The following MPPE1 variants were observed in gnomAD, a reference collection of about 807,000 sequenced individuals.
MPPE1 encodes the protein metallo phosphoesterase.
A neutral mutation model predicts 43.8 loss-of-function variants in MPPE1; 28 were observed. The ratio of observed to expected loss-of-function variants is 0.64; its 90% CI spans 0.47 to 0.88. MPPE1 has a LOEUF of 0.88. Ranked by LOEUF, MPPE1 falls within the 40% of genes least tolerant of loss-of-function variation. The pLI is 0.00. For synonymous variants in MPPE1, 159 were observed against 188.5 expected (o/e 0.84, Z 1.28); for missense variants, 428 against 492.2 (o/e 0.87, Z 1.23).
chr18:11,903,634 A>G (rs657919), intron 2 of MPPE1, among the ~76,000 whole-genome samples: 54,048 of 151,904 alleles, frequency 0.36, 11,816 homozygotes, highest in African/African-American at 0.61. Context: ...GTGAAACCCC[A>G]TCTCTACTAA....
chr18:11,889,382 CT>C lies in MPPE1; in HGVS notation c.494+4del. Reference sequence around the variant, plus strand: ...CAGGGTGCAGGGCTTTTGTGAACTACTTACTCATAATGGAAGCCAATGTCAT... The same window carrying C: ...CAGGGTGCAGGGCTTTTGTGAACTACTACTCATAATGGAAGCCAATGTCAT... On this transcript the variant is annotated splice_donor_region_variant and intron_variant, in intron 5 of 10. Transcript: ENST00000588072. 6.3e-7 allele frequency: 1 copy of C among 1,591,014 alleles called. No homozygotes were observed. Among genetic ancestry groups the C allele is most frequent in the Non-Finnish European group, 8.6e-7 (1 of 1,161,428 alleles).
chr18:11,889,350 G>A (rs1481444613), intron 5 of MPPE1, 37 bp downstream of exon 5: 2 of 1,279,526 alleles, frequency 1.6e-6, no homozygotes, highest in Non-Finnish European at 2.2e-6. Context: ...CAGTTAACAA[G>A]AGCTCTCAGG....
At position 11,897,383 on chromosome 18, in the gene MPPE1, T is replaced by C. The variant is rs2038715434; in HGVS notation, c.-92-27A>G. 5 of 936,104 alleles carry C rather than the reference T, an allele frequency of 5.3e-6. 1 individual carries two copies. Among genetic ancestry groups the C allele is most frequent in the South Asian group, 3.2e-5 (2 of 62,100 alleles). 58.0% of individuals were successfully genotyped at this position (936,104 alleles called of 1,614,324 possible). On this transcript the variant is annotated intron_variant, in intron 2 of 10. Coordinates refer to ENST00000588072, the MANE Select transcript of MPPE1 (RefSeq NM_023075.6). ...TACGGGAAAAGGAAAAGAATTCAGT[T>C]ATGTTCCCTAATAATACAGGTATCA...
Position 11,884,606 on chromosome 18 carries a change from A to ACAGCAC in MPPE1, c.1029_1030insGTGCTG (p.Asp343_Tyr344insValLeu). ...GGGAGGTAGCACTTGGAGAGGGTGT[A>ACAGCAC]GTCTGTGGGCGTGATGCTACCCTGG... On this transcript the variant is annotated inframe_insertion, in exon 11 of 11. Transcript: ENST00000588072. 3 of 1,613,802 alleles carry ACAGCAC rather than the reference A, an allele frequency of 1.9e-6. No homozygotes were observed. Among genetic ancestry groups the ACAGCAC allele is most frequent in the Non-Finnish European group, 2.5e-6 (3 of 1,180,004 alleles).
intron 2 of MPPE1, among the ~76,000 whole-genome samples, chr18:11,900,037 C>T (rs1400540189): frequency 2.0e-5 from 3 of 152,184 alleles, no homozygotes; most frequent in South Asian, 2.1e-4. Context: ...CATGGTGAAA[C>T]CCTGTCTCTA....
chr18:11,884,680 C>T, intron 10 of MPPE1, 53 bp from the exon 11 acceptor site: 1 of 1,562,294 alleles, frequency 6.4e-7, no homozygotes, highest in Non-Finnish European at 8.8e-7. Context: ...ACGTTGAACA[C>T]CGCAGTCTTA....
In MPPE1 at chr18:11,883,434, C is replaced by A. The variant is rs1280197735; in HGVS notation, c.*1011G>T. On this transcript the variant is annotated 3_prime_UTR_variant, in exon 11 of 11. Coordinates refer to ENST00000588072, the MANE Select transcript of MPPE1 (RefSeq NM_023075.6). ...CTGTTTAAGAGTTTAATTCAAACAA[C>A]AGCCAGACTGTTAAGAAAAAAAACA... The A allele has an allele frequency of 4.6e-5, 7 of 152,582 alleles. No individual in the cohort carries two copies. Among genetic ancestry groups the A allele is most frequent in the Admixed American group, 4.6e-4 (7 of 15,266 alleles). The allele number at this position is 152,582 out of a possible 1,614,324, so 9.5% of individuals were successfully genotyped here. A position where few individuals can be genotyped will look rare whatever the true frequency, so the allele number is the denominator to read the frequency against.
intron 3 of MPPE1, chr18:11,895,241 TCAAAA>T (rs1006602491): frequency 4.3e-4 from 65 of 152,250 alleles, no homozygotes; most frequent in African/African-American, 1.5e-3. Flanking sequence ...GGCCAGGAGT[TCAAAA>T]CCAGCATGGG....
chr18:11,889,614 G>A (rs1362746452), intron 4 of MPPE1, 124 bp from the exon 5 acceptor site: 2 of 602,298 alleles, frequency 3.3e-6, no homozygotes, highest in Non-Finnish European at 5.7e-6. Context: ...CCAGGCTGAA[G>A]TGCAGTGGTG....
At chr18:11,890,463 C>T (rs963031034) in intron 4 of MPPE1, among the ~76,000 whole-genome samples, 3 of 152,042 alleles carry the variant, frequency 2.0e-5, no homozygotes, top group South Asian at 2.1e-4. Flanking sequence ...GCGTGTACCA[C>T]CATGCCCAGC....
intron 2 of MPPE1, among the ~76,000 whole-genome samples, chr18:11,901,251 A>G (rs1215662388): frequency 6.6e-6 from 1 of 151,642 alleles, no homozygotes; most frequent in Non-Finnish European, 1.5e-5. Flanking sequence ...TTTTTTTGAG[A>G]CAGAGTTTCT....
At chr18:11,906,809 G>A (rs370921445) in intron 1 of MPPE1, among the ~76,000 whole-genome samples, 59 of 148,920 alleles carry the variant, frequency 4.0e-4, no homozygotes, top group African/African-American at 1.4e-3. Flanking sequence ...AGCCGAGATC[G>A]CGCCATTGCA....
At chr18:11,902,880 G>C (rs2039341565) in intron 2 of MPPE1, 1 of 152,326 alleles carries the variant, frequency 6.6e-6, no homozygotes, top group African/African-American at 2.4e-5. Flanking sequence ...GCAGGACAGA[G>C]GACATAGAGA....
At chr18:11,895,577 C>T (rs1002137640) in intron 3 of MPPE1, among the ~76,000 whole-genome samples, 16 of 151,616 alleles carry the variant, frequency 1.1e-4, no homozygotes, top group Admixed American at 9.2e-4. Flanking sequence ...CTTGCTCTGT[C>T]GCCCAGGCTG....
intron 3 of MPPE1, among the ~76,000 whole-genome samples, chr18:11,894,981 A>G (rs990433425): frequency 6.6e-6 from 1 of 152,244 alleles, no homozygotes; most frequent in African/African-American, 2.4e-5. Flanking sequence ...ACAGGCACAC[A>G]GCAGGTGCTC....
chr18:11,883,296 C>T lies in MPPE1; in HGVS notation c.*1149G>A, dbSNP rs886467228. Reference sequence around the variant, plus strand: ...ATACAATGGAAATTATTTTCAGTTCCCCTTGCACTGTCAAAGTAAAACAAG... The same window carrying T: ...ATACAATGGAAATTATTTTCAGTTCTCCTTGCACTGTCAAAGTAAAACAAG... On this transcript the variant is annotated 3_prime_UTR_variant, in exon 11 of 11. Coordinates refer to ENST00000588072, the MANE Select transcript of MPPE1 (RefSeq NM_023075.6). 2 of 152,254 alleles carry T rather than the reference C, an allele frequency of 1.3e-5. No individual in the cohort carries two copies. The highest frequency in any genetic ancestry group is 4.8e-5 in the African/African-American group (2 of 41,412). The allele number at this position is 152,254 out of a possible 1,614,324, so 9.4% of individuals were successfully genotyped here. A position where few individuals can be genotyped will look rare whatever the true frequency, so the allele number is the denominator to read the frequency against.
intron 2 of MPPE1, among the ~76,000 whole-genome samples, chr18:11,903,326 A>T (rs1285482289): frequency 6.6e-6 from 1 of 152,140 alleles, no homozygotes; most frequent in Admixed American, 6.6e-5. Flanking sequence ...GGGGCACTCC[A>T]CAGGAAAAAG....
Position 11,886,340 on chromosome 18 carries a change from C to G in MPPE1, c.867+159G>C. On this transcript the variant is annotated intron_variant, in intron 9 of 10. Coordinates refer to ENST00000588072, the MANE Select transcript of MPPE1 (RefSeq NM_023075.6). The surrounding 1 kb of genome is among the most constrained non-coding windows in gnomAD (Gnocchi z 4.1). ...AGCGATTAAATGAAAATCTGAGATA[C>G]TGTGAAAGCCAGGCCTCCACCCCTG... 1.1e-6 allele frequency: 1 copy of G among 941,198 alleles called. No individual in the cohort carries two copies. Among genetic ancestry groups the G allele is most frequent in the Non-Finnish European group, 1.6e-6 (1 of 614,172 alleles). 58.3% of individuals were successfully genotyped at this position (941,198 alleles called of 1,614,324 possible).
chr18:11,891,005 C>T (rs1398605348), intron 4 of MPPE1, among the ~76,000 whole-genome samples: 1 of 151,048 alleles, frequency 6.6e-6, no homozygotes, highest in Non-Finnish European at 1.5e-5. Flanking sequence ...TTTTATAAAG[C>T]TAAAAATATC....
Sources: allele counts gnomAD v4.1 joint callset (sites outside exome capture counted in the v4.1 genomes callset), GRCh38; gene constraint gnomAD v4.1.1; non-coding constraint Gnocchi (gnomAD v3.1); transcripts MANE v1.5; gene names NCBI Gene and HGNC (gene_info 2026-07-23, HGNC 2026-07-21).